CSMD3: variants seen among roughly 807,000 people sequenced by gnomAD.
CSMD3 encodes the protein CUB and Sushi multiple domains 3, also known as CUB and sushi domain-containing protein 3.
In CSMD3, 177 loss-of-function variants were observed where a neutral mutation model predicts 435.2. The observed-to-expected ratio is 0.41, with a 90% CI of 0.36 to 0.46. CSMD3 has a LOEUF of 0.46. Among genes scored for constraint, CSMD3 ranks in the 20% least tolerant of loss-of-function variants. The probability of loss-of-function intolerance (pLI) is 0.34; values close to 1 mark genes in which losing one functional copy is unlikely to be tolerated. For synonymous variants in CSMD3, 1,656 were observed against 1,520.5 expected (o/e 1.09, Z -2.07); for missense variants, 4,265 against 4,504.6 (o/e 0.95, Z 1.52).
intron 27 of CSMD3, among the ~76,000 whole-genome samples, chr8:112,528,550 T>A (rs1430409234): frequency 6.6e-6 from 1 of 151,980 alleles, no homozygotes; most frequent in Non-Finnish European, 1.5e-5. Flanking sequence ...ATAATTCCAA[T>A]AAAAAGAACA....
intron 22 of CSMD3, among the ~76,000 whole-genome samples, chr8:112,635,190 G>A (rs1420527777): frequency 2.0e-5 from 3 of 151,940 alleles, no homozygotes; most frequent in African/African-American, 2.4e-5. Flanking sequence ...ATCTAAATTC[G>A]GAATGCTTCC....
intron 5 of CSMD3, among the ~76,000 whole-genome samples, chr8:113,041,948 A>G (rs1019927478): frequency 2.6e-5 from 4 of 152,100 alleles, no homozygotes; most frequent in African/African-American, 9.7e-5. Flanking sequence ...CATTTGAAAT[A>G]CTCTATTCTC....
At chr8:113,122,617 T>G (rs376306117) in intron 4 of CSMD3, among the ~76,000 whole-genome samples, 4 of 150,532 alleles carry the variant, frequency 2.7e-5, no homozygotes, top group African/African-American at 9.7e-5. Context: ...GAGAGAGAGA[T>G]GTGCTTTTTC....
At chr8:112,612,814 CTCAAGT>C (rs1833370284) in intron 22 of CSMD3, among the ~76,000 whole-genome samples, 1 of 143,048 alleles carries the variant, frequency 7.0e-6, no homozygotes, top group Non-Finnish European at 1.5e-5. Context: ...AACTCCTGGG[CTCAAGT>C]GAGCCTCTAG....
At chr8:112,244,959 T>C (rs1387650913) in intron 64 of CSMD3, among the ~76,000 whole-genome samples, 3 of 151,960 alleles carry the variant, frequency 2.0e-5, no homozygotes, top group Non-Finnish European at 4.4e-5. Context: ...TTAATGTTTG[T>C]CAAGCTCAGG....
At chr8:112,459,982 T>C (rs1185592670) in intron 32 of CSMD3, among the ~76,000 whole-genome samples, 2 of 152,144 alleles carry the variant, frequency 1.3e-5, no homozygotes, top group Non-Finnish European at 2.9e-5. Context: ...ATCAGATCAA[T>C]GTTTCTGTCA....
At chr8:112,281,932 TAA>T (rs1320399258) in intron 58 of CSMD3, among the ~76,000 whole-genome samples, 13 of 152,122 alleles carry the variant, frequency 8.5e-5, no homozygotes, top group Admixed American at 2.6e-4. Flanking sequence ...TCGTTTTCAT[TAA>T]GTTTCAATAT....
rs117877251 is a variant in CSMD3 at position 112,659,143 on chromosome 8, A to G, written c.2817-2802T>C. ...AGACTTAATTCTTAATAGAATAGCA[A>G]CATTAACTGGTGATATAAAGAACAT... On this transcript the variant is annotated intron_variant, in intron 17 of 70. Transcript: ENST00000297405. 2.4e-3 allele frequency among the ~76,000 whole-genome samples: 348 copies of G among 147,572 alleles called. 2 individuals carry two copies. Among genetic ancestry groups the G allele is most frequent in the Non-Finnish European group, 3.8e-3 (261 of 67,996 alleles).
intron 32 of CSMD3, among the ~76,000 whole-genome samples, chr8:112,439,067 T>C (rs1814691130): frequency 6.6e-6 from 1 of 152,232 alleles, no homozygotes; most frequent in African/African-American, 2.4e-5. Context: ...GCTTCACAGA[T>C]ATATTATGAT....
At chr8:112,708,191 T>C (rs777907263) in intron 13 of CSMD3, among the ~76,000 whole-genome samples, 4 of 151,632 alleles carry the variant, frequency 2.6e-5, no homozygotes, top group Non-Finnish European at 5.9e-5. Context: ...TGGTCCCTAA[T>C]GAATGAAAAG....
chr8:113,155,666 G>A (rs901435918), intron 4 of CSMD3, among the ~76,000 whole-genome samples: 5 of 152,006 alleles, frequency 3.3e-5, no homozygotes, highest in African/African-American at 1.2e-4. Flanking sequence ...TAATTTCAAC[G>A]AGGTAATCCT....
intron 38 of CSMD3, among the ~76,000 whole-genome samples, chr8:112,372,562 C>T (rs757120157): frequency 3.3e-5 from 5 of 152,126 alleles, no homozygotes; most frequent in Non-Finnish European, 5.9e-5. Flanking sequence ...TAAAAATCAG[C>T]CTATCTGGCG....
chr8:112,551,473 A>T (rs1037857372), intron 26 of CSMD3, among the ~76,000 whole-genome samples: 4 of 152,048 alleles, frequency 2.6e-5, no homozygotes, highest in Non-Finnish European at 5.9e-5. Context: ...TTAGAAATCT[A>T]ATTATATTGA....
intron 36 of CSMD3, among the ~76,000 whole-genome samples, chr8:112,385,806 A>G (rs553582598): frequency 1.3e-5 from 2 of 152,280 alleles, no homozygotes; most frequent in South Asian, 2.1e-4. Flanking sequence ...AAATGTAGAC[A>G]TCTCCAAGAA....
chr8:112,510,765 C>T (rs1488408535), intron 28 of CSMD3, among the ~76,000 whole-genome samples: 2 of 152,100 alleles, frequency 1.3e-5, no homozygotes, highest in African/African-American at 4.8e-5. Context: ...ATATTCCATT[C>T]AGGTGTCAGC....
intron 24 of CSMD3, among the ~76,000 whole-genome samples, chr8:112,566,648 C>A (rs1829085802): frequency 6.6e-6 from 1 of 152,038 alleles, no homozygotes; most frequent in Non-Finnish European, 1.5e-5. Flanking sequence ...TGGACACTTA[C>A]ATGGGTGAAT....
intron 10 of CSMD3, among the ~76,000 whole-genome samples, chr8:112,861,026 A>T (rs1375673196): frequency 6.6e-6 from 1 of 151,896 alleles, no homozygotes; most frequent in Non-Finnish European, 1.5e-5. Context: ...GCTTTGAGGA[A>T]GCACTTTCAA....
chr8:113,284,757 G>A (rs1028627683), intron 2 of CSMD3, among the ~76,000 whole-genome samples: 2 of 152,054 alleles, frequency 1.3e-5, no homozygotes, highest in African/African-American at 2.4e-5. Flanking sequence ...TACTGGTTTT[G>A]ATATTTGTAA....
At chr8:112,378,251 A>G (rs1004381325) in intron 38 of CSMD3, among the ~76,000 whole-genome samples, 10 of 151,506 alleles carry the variant, frequency 6.6e-5, no homozygotes, top group African/African-American at 2.4e-4. Context: ...AATAGTAGGG[A>G]GGTTTCATTA....
Sources: allele counts gnomAD v4.1 joint callset (sites outside exome capture counted in the v4.1 genomes callset), GRCh38; gene constraint gnomAD v4.1.1; transcripts MANE v1.5; gene names NCBI Gene and HGNC (gene_info 2026-07-23, HGNC 2026-07-21).